Variants in RBMS3 observed in about 807,000 individuals in gnomAD.
The protein encoded by RBMS3 is RNA-binding motif, single-stranded-interacting protein 3.
A neutral mutation model predicts 66.8 loss-of-function variants in RBMS3; 27 were observed. The ratio of observed to expected loss-of-function variants is 0.40; its 90% CI spans 0.30 to 0.56. RBMS3 has a LOEUF of 0.56. RBMS3 is among the 20% of genes least tolerant of loss of function. The pLI, the probability that RBMS3 is intolerant of heterozygous loss-of-function variation, is 0.40. For missense variants in RBMS3, 513 were observed against 549.5 expected (o/e 0.93, Z 0.66); for synonymous variants, 188 against 183.0 (o/e 1.03, Z -0.22).
intron 5 of RBMS3, among the ~76,000 whole-genome samples, chr3:29,751,183 T>A (rs2055165697): frequency 6.6e-6 from 1 of 152,162 alleles, no homozygotes; most frequent in South Asian, 2.1e-4. Context: ...TAAACAAATC[T>A]TTTACTATCT....
chr3:29,760,041 C>T (rs1365435726), intron 5 of RBMS3, among the ~76,000 whole-genome samples: 1 of 152,038 alleles, frequency 6.6e-6, no homozygotes, highest in Non-Finnish European at 1.5e-5. Flanking sequence ...ACAATCTACT[C>T]TGCTGTCTTT....
At chr3:29,987,977 C>T (rs933189303) in intron 12 of RBMS3, 166 bp from the exon 13 acceptor site, 20 of 568,582 alleles carry the variant, frequency 3.5e-5, no homozygotes, top group African/African-American at 2.6e-4. Flanking sequence ...AAGCAAAGGC[C>T]TTTCAATACA....
rs1025516831 is a variant in RBMS3 at position 29,360,913 on chromosome 3, C to T, written c.76-73830C>T. Among the ~76,000 whole-genome samples, 14 of 152,040 alleles carry T rather than the reference C, an allele frequency of 9.2e-5. 2 individuals carry two copies. The highest frequency in any genetic ancestry group is 3.1e-4 in the African/African-American group (13 of 41,370). ...TCCATTTGCTTAGTGGATCTTCCCC[C>T]ATCCCTTTATTTTGAGCCTATGTGT... On this transcript the variant is annotated intron_variant, in intron 1 of 14. Transcript: ENST00000383767.
At chr3:29,539,611 C>A (rs76573984) in intron 3 of RBMS3, among the ~76,000 whole-genome samples, 1 of 152,142 alleles carries the variant, frequency 6.6e-6, no homozygotes, top group Non-Finnish European at 1.5e-5. Context: ...ATCAAGTACC[C>A]GAGTTTTTAA....
At chr3:29,843,901 G>A (rs1424852289) in intron 6 of RBMS3, among the ~76,000 whole-genome samples, 3 of 151,728 alleles carry the variant, frequency 2.0e-5, no homozygotes, top group East Asian at 1.9e-4. Flanking sequence ...GCAGTGAGCC[G>A]AGATTGCTCC....
chr3:29,913,740 A>G (rs934604923), intron 10 of RBMS3, among the ~76,000 whole-genome samples: 1 of 151,976 alleles, frequency 6.6e-6, no homozygotes, highest in Non-Finnish European at 1.5e-5. Context: ...CATTAGAACC[A>G]TTTCTGCATA....
chr3:29,884,149 A>G lies in RBMS3; in HGVS notation c.745-13A>G, dbSNP rs1257085186. 1 of 1,609,482 alleles carries G rather than the reference A, an allele frequency of 6.2e-7. No homozygotes were observed. Among genetic ancestry groups the G allele is most frequent in the South Asian group, 1.1e-5 (1 of 90,672 alleles). ...TTAAGATTTGTTTTCTTCCCTCTTC[A>G]TCCTATATACAGGCTGGCATGGCTT... On this transcript the variant is annotated splice_polypyrimidine_tract_variant and intron_variant, in intron 7 of 14. Transcript: ENST00000383767.
chr3:29,285,269 G>A (rs1041366153), intron 1 of RBMS3, among the ~76,000 whole-genome samples: 1 of 146,378 alleles, frequency 6.8e-6, no homozygotes, highest in Non-Finnish European at 1.5e-5. Flanking sequence ...GGAGTAGGTG[G>A]GGGTGGATGG....
rs6783746 is a variant in RBMS3, at chr3:29,694,408, A to G, written c.400-45312A>G. ...CCTATTGTAGAAAGATAAACCTTTT[A>G]CAATTGTTCGTCATAAGAGGAAATC... On this transcript the variant is annotated intron_variant, in intron 4 of 14. Transcript: ENST00000383767. Among the ~76,000 whole-genome samples, 1,330 of 152,280 alleles carry G rather than the reference A, an allele frequency of 8.7e-3. 18 individuals carry two copies. The highest frequency in any genetic ancestry group is 0.03 in the African/African-American group (1,242 of 41,564).
At chr3:29,662,421 G>T (rs1014785065) in intron 4 of RBMS3, among the ~76,000 whole-genome samples, 2 of 152,096 alleles carry the variant, frequency 1.3e-5, no homozygotes, top group Non-Finnish European at 2.9e-5. Context: ...CCTTATATAT[G>T]TTAACTCAGT....
At chr3:29,875,574 C>T (rs1007114014) in intron 7 of RBMS3, among the ~76,000 whole-genome samples, 5 of 151,534 alleles carry the variant, frequency 3.3e-5, no homozygotes, top group African/African-American at 9.7e-5. Flanking sequence ...AAAAAACCTG[C>T]ATCTTGGAAT....
At chr3:29,773,666 T>G (rs552014374) in intron 6 of RBMS3, among the ~76,000 whole-genome samples, 1 of 152,240 alleles carries the variant, frequency 6.6e-6, no homozygotes, top group East Asian at 1.9e-4. Context: ...CCTGCATCTC[T>G]TTCATTAGGT....
At chr3:29,713,482 G>T (rs2053257627) in intron 4 of RBMS3, among the ~76,000 whole-genome samples, 1 of 152,050 alleles carries the variant, frequency 6.6e-6, no homozygotes, top group Admixed American at 6.6e-5. Context: ...CACCTGGCTG[G>T]CTACATCCTG....
chr3:29,287,309 T>C (rs1290496510), intron 1 of RBMS3, among the ~76,000 whole-genome samples: 1 of 152,098 alleles, frequency 6.6e-6, no homozygotes, highest in East Asian at 1.9e-4. Flanking sequence ...TGAAAATTAT[T>C]CCCATTGAGT....
chr3:29,675,535 A>C (rs1448352417), intron 4 of RBMS3, among the ~76,000 whole-genome samples: 1 of 152,220 alleles, frequency 6.6e-6, no homozygotes, highest in East Asian at 1.9e-4. Context: ...CTCTCTGACA[A>C]AGGGCTAATA....
intron 10 of RBMS3, among the ~76,000 whole-genome samples, chr3:29,930,838 C>T (rs1036625109): frequency 6.6e-6 from 1 of 151,890 alleles, no homozygotes; most frequent in Non-Finnish European, 1.5e-5. Flanking sequence ...GTCATTAATG[C>T]GCATGTGTGA....
intron 2 of RBMS3, among the ~76,000 whole-genome samples, chr3:29,468,455 G>T (rs1413590128): frequency 1.3e-5 from 2 of 152,114 alleles, no homozygotes; most frequent in Non-Finnish European, 2.9e-5. Flanking sequence ...TCTGGAATAA[G>T]TTAAGTAGCT....
At chr3:29,329,113 T>C (rs528674601) in intron 1 of RBMS3, among the ~76,000 whole-genome samples, 20 of 152,298 alleles carry the variant, frequency 1.3e-4, no homozygotes, top group African/African-American at 4.6e-4. Context: ...CGGGAAAATA[T>C]ATGTTTTTGG....
chr3:29,595,496 T>C (rs2047915983), intron 4 of RBMS3, among the ~76,000 whole-genome samples: 1 of 152,114 alleles, frequency 6.6e-6, no homozygotes, highest in East Asian at 1.9e-4. Flanking sequence ...CACAAGCTGA[T>C]CTGAGTCAAT....
Sources: allele counts gnomAD v4.1 joint callset (sites outside exome capture counted in the v4.1 genomes callset), GRCh38; gene constraint gnomAD v4.1.1; transcripts MANE v1.5; gene names NCBI Gene and HGNC (gene_info 2026-07-23, HGNC 2026-07-21).